The following NBAS variants were observed in gnomAD, a reference collection of about 807,000 sequenced individuals.
NBAS encodes the protein NAG/BC035112 fusion.
Under a neutral mutation model 302.5 loss-of-function variants are expected in NBAS, and 219 were observed. That is an observed-to-expected ratio of 0.72 (90% CI 0.65 to 0.81). The LOEUF (loss-of-function observed/expected upper bound fraction) is 0.81, where lower values mean the gene tolerates loss of function less well. NBAS is among the 30% of genes least tolerant of loss of function. NBAS has a pLI of 0.00. For missense variants in NBAS, 2,932 were observed against 2,841.6 expected (o/e 1.03, Z -0.72); for synonymous variants, 1,118 against 1,021.6 (o/e 1.09, Z -1.80).
intron 28 of NBAS, among the ~76,000 whole-genome samples, chr2:15,393,958 G>A (rs1227629142): frequency 6.6e-6 from 1 of 151,904 alleles, no homozygotes; most frequent in Admixed American, 6.6e-5. Context: ...TGAGGAGAAG[G>A]GAGCACGATA....
At chr2:14,809,969 AC>A in the NBAS span, among the ~76,000 whole-genome samples, 4 of 152,124 alleles carry the variant, frequency 2.6e-5, no homozygotes, top group African/African-American at 9.7e-5. Context: ...TGTATTTTGG[AC>A]TTGCATGGGG....
intron 38 of NBAS, among the ~76,000 whole-genome samples, chr2:15,316,437 T>C (rs572978724): frequency 6.6e-6 from 1 of 152,222 alleles, no homozygotes; most frequent in African/African-American, 2.4e-5. Context: ...ACACAGGAAG[T>C]GCAAGGGGTT....
chr2:15,446,095 A>T (rs1427693519), intron 21 of NBAS, among the ~76,000 whole-genome samples: 1 of 151,914 alleles, frequency 6.6e-6, no homozygotes, highest in Non-Finnish European at 1.5e-5. Flanking sequence ...GAAAAAAAAA[A>T]GTGTGTGTAT....
intron 10 of NBAS, among the ~76,000 whole-genome samples, chr2:15,508,895 C>T (rs1228589192): frequency 2.0e-5 from 3 of 151,974 alleles, no homozygotes; most frequent in Non-Finnish European, 2.9e-5. Flanking sequence ...CCCAGGTAAT[C>T]GGGAGGCTGA....
intron 21 of NBAS, among the ~76,000 whole-genome samples, chr2:15,439,947 C>T (rs533240734): frequency 1.3e-5 from 2 of 152,326 alleles, no homozygotes; most frequent in African/African-American, 4.8e-5. Flanking sequence ...GGCAGTGAGG[C>T]TGGGGGAGGG....
chr2:15,202,225 G>A (rs575954297), intron 48 of NBAS, among the ~76,000 whole-genome samples: 25 of 152,076 alleles, frequency 1.6e-4, no homozygotes, highest in Non-Finnish European at 2.8e-4. Flanking sequence ...TCCAACAACT[G>A]CAATTCAGAA....
At position 15,238,647 on chromosome 2, in the gene NBAS, T is replaced by G; in HGVS notation, c.5764A>C (p.Ile1922Leu). The change falls in exon 45 of 52, where the codon ATT becomes CTT. Residue 1922 changes from isoleucine (I) to leucine (L), a missense_variant. Transcript: ENST00000281513. ...EARKEMTRKA[I>L]KTVKHFIEKP... ...TCAATAAAATGTTTGACTGTCTTAA[T>G]AGCCTTTCTAGTCATCTCTTTACGG... 1.2e-6 allele frequency: 2 copies of G among 1,612,988 alleles called. No homozygotes were observed. Among genetic ancestry groups the G allele is most frequent in the African/African-American group, 1.3e-5 (1 of 74,676 alleles).
At chr2:15,486,806 C>T (rs1343392771) in intron 12 of NBAS, among the ~76,000 whole-genome samples, 1 of 150,954 alleles carries the variant, frequency 6.6e-6, no homozygotes, top group Non-Finnish European at 1.5e-5. Context: ...AAGAGTAATG[C>T]ATTATTATAG....
Position 15,275,640 on chromosome 2 carries a change from C to T in NBAS, c.5568G>A (p.Trp1856Ter). ...GTTTAATGAGATGAGGGTCTCCAGT[C>T]CAGAACAACTTCTGTAACCAGATGG... Reference protein sequence around the residue: ...LYTIWLQKLFWTGDPHLIKQV... With the variant: ...LYTIWLQKLF Residue 1856 changes from tryptophan to a stop codon, truncating the protein, a stop_gained, in exon 44 of 52, where the codon TGG becomes TGA. Coordinates refer to ENST00000281513, the MANE Select transcript of NBAS (RefSeq NM_015909.4). LOFTEE classifies it high-confidence loss of function. 1.9e-6 allele frequency: 3 copies of T among 1,614,130 alleles called. No individual in the cohort carries two copies. Among genetic ancestry groups the T allele is most frequent in the Non-Finnish European group, 2.5e-6 (3 of 1,180,032 alleles).
At chr2:14,939,447 A>G in the NBAS span, among the ~76,000 whole-genome samples, 22,939 of 152,228 alleles carry the variant, frequency 0.15, 2,330 homozygotes, top group African/African-American at 0.29. Context: ...CAGCTAAAAA[A>G]GGCAGAGAAA....
At chr2:15,000,109 A>G in the NBAS span, among the ~76,000 whole-genome samples, 60 of 152,360 alleles carry the variant, frequency 3.9e-4, no homozygotes, top group African/African-American at 1.3e-3. Flanking sequence ...AAATGTTTTT[A>G]GTGAGTGACG....
At chr2:15,305,776 G>A (rs576245013) in intron 40 of NBAS, among the ~76,000 whole-genome samples, 1 of 152,240 alleles carries the variant, frequency 6.6e-6, no homozygotes, top group South Asian at 2.1e-4. Context: ...GTATGAAAAT[G>A]GACAAATATA....
intron 12 of NBAS, among the ~76,000 whole-genome samples, chr2:15,483,906 T>A (rs1680524438): frequency 6.6e-6 from 1 of 152,178 alleles, no homozygotes; most frequent in African/African-American, 2.4e-5. Flanking sequence ...AGTTTAAATA[T>A]CACCATATCA....
In NBAS at chr2:15,327,799, T is replaced by A; in HGVS notation, c.4533A>T (p.Gly1511=). 5 of 1,613,788 alleles carry A rather than the reference T, an allele frequency of 3.1e-6. No individual in the cohort carries two copies. The highest frequency in any genetic ancestry group is 4.2e-6 in the Non-Finnish European group (5 of 1,179,800). The part of the protein sequence containing the change: ...ESFAEVLLRT[G]KLAEAKNKGE... ...CTTTATTTTTAGCCTCTGCCAATTT[T>A]CCAGTTCTCAGCAATACTTCTGCAA... Residue 1511 remains glycine (G), a synonymous_variant, in exon 38 of 52, where the codon GGA becomes GGT. Transcript: ENST00000281513.
chr2:14,809,165 C>T, the NBAS span, among the ~76,000 whole-genome samples: 378 of 152,250 alleles, frequency 2.5e-3, no homozygotes, highest in African/African-American at 8.1e-3. Flanking sequence ...AAACAAAATC[C>T]GATTTTCTGA....
At chr2:15,364,315 T>G (rs994084990) in intron 32 of NBAS, among the ~76,000 whole-genome samples, 2 of 152,158 alleles carry the variant, frequency 1.3e-5, no homozygotes, top group East Asian at 3.9e-4. Context: ...GTGGATCACC[T>G]GAAGTTAGGA....
chr2:15,208,739 T>G (rs1380307657), intron 48 of NBAS, among the ~76,000 whole-genome samples: 1 of 151,982 alleles, frequency 6.6e-6, no homozygotes, highest in Non-Finnish European at 1.5e-5. Flanking sequence ...ACTGAAAAAT[T>G]TCTTGAAACA....
chr2:15,396,319 G>A, intron 27 of NBAS, 94 bp downstream of exon 27: 1 of 1,014,082 alleles, frequency 9.9e-7, no homozygotes, highest in Non-Finnish European at 1.5e-6. Context: ...GGTTAAAGTA[G>A]AAACGATGAC....
At chr2:15,221,954 C>T (rs1168997219) in intron 47 of NBAS, among the ~76,000 whole-genome samples, 1 of 152,160 alleles carries the variant, frequency 6.6e-6, no homozygotes, top group Non-Finnish European at 1.5e-5. Flanking sequence ...TTGCCACTTC[C>T]TAACAATGTA....
Sources: allele counts gnomAD v4.1 joint callset (sites outside exome capture counted in the v4.1 genomes callset), GRCh38; gene constraint gnomAD v4.1.1; transcripts MANE v1.5; gene names NCBI Gene and HGNC (gene_info 2026-07-23, HGNC 2026-07-21).